DNAJC25: variants seen among roughly 807,000 people sequenced by gnomAD.
The protein encoded by DNAJC25 is DnaJ heat shock protein family (Hsp40) member C25.
Under a neutral mutation model 42.1 loss-of-function variants are expected in DNAJC25, and 26 were observed. The ratio of observed to expected loss-of-function variants is 0.62; its 90% CI spans 0.45 to 0.86. The LOEUF (loss-of-function observed/expected upper bound fraction) is 0.86. Among genes scored for constraint, DNAJC25 ranks in the 40% least tolerant of loss-of-function variants. The pLI is 0.00. For missense variants in DNAJC25, 404 were observed against 459.4 expected (o/e 0.88, Z 1.10); for synonymous variants, 189 against 179.9 (o/e 1.05, Z -0.40).
chr9:111,640,933 G>C (rs1296895889), intron 1 of DNAJC25, among the ~76,000 whole-genome samples: 3 of 89,942 alleles, frequency 3.3e-5, no homozygotes, highest in African/African-American at 7.3e-5. Context: ...GGCCAGCCGT[G>C]CCGTCCGGGA....
chr9:111,639,653 GTT>G (rs1225215141), intron 1 of DNAJC25, among the ~76,000 whole-genome samples: 3 of 136,762 alleles, frequency 2.2e-5, no homozygotes, highest in Non-Finnish European at 3.2e-5. Flanking sequence ...ACTAGAGGTT[GTT>G]TTTTTTTTTT....
intron 1 of DNAJC25, among the ~76,000 whole-genome samples, chr9:111,645,669 G>A (rs1830558612): frequency 6.6e-6 from 1 of 152,220 alleles, no homozygotes; most frequent in Admixed American, 6.5e-5. Context: ...CTCAGAAGGT[G>A]ATCCTAAACA....
chr9:111,641,661 TCCGGGAGGGAGGTGGGGGGGGG>T (rs1208173695), intron 1 of DNAJC25, among the ~76,000 whole-genome samples: 351 of 112,910 alleles, frequency 3.1e-3, no homozygotes, highest in East Asian at 4.4e-3. Context: ...AGCCGCCCCG[TCCGGGAGGGAGGTGGGGGGGGG>T]GTCAGCCCCC....
At chr9:111,645,456 T>C (rs1830555165) in intron 1 of DNAJC25, among the ~76,000 whole-genome samples, 1 of 152,160 alleles carries the variant, frequency 6.6e-6, no homozygotes, top group Non-Finnish European at 1.5e-5. Context: ...GATTTTGCCA[T>C]GTTGGCCAGG....
At chr9:111,641,137 G>C (rs1234292349) in intron 1 of DNAJC25, among the ~76,000 whole-genome samples, 1 of 106,178 alleles carries the variant, frequency 9.4e-6, no homozygotes, top group African/African-American at 4.4e-5. Flanking sequence ...GGGGGGGTCA[G>C]CCCCCCCACC....
At chr9:111,649,235 A>C (rs1830611441) in intron 2 of DNAJC25, among the ~76,000 whole-genome samples, 1 of 152,210 alleles carries the variant, frequency 6.6e-6, no homozygotes, top group African/African-American at 2.4e-5. Context: ...TTTTTGGCTC[A>C]GCTCAGAGTT....
intron 1 of DNAJC25, among the ~76,000 whole-genome samples, chr9:111,638,904 C>T (rs145449704): frequency 5.8e-4 from 88 of 151,922 alleles, no homozygotes; most frequent in Non-Finnish European, 3.2e-4. Context: ...CTTATCCAAA[C>T]TTGCCTTCCT....
chr9:111,645,018 A>C lies in DNAJC25; in HGVS notation c.337-2089A>C, dbSNP rs116881522. Among the ~76,000 whole-genome samples the C allele has an allele frequency of 2.2e-3, 329 of 152,326 alleles. 13 individuals carry two copies. The East Asian group carries it at 0.054, about 25-fold the overall frequency. ...AGGCATATAGCAGCTGCCACAAGAA[A>C]ATCCTTTTTGACTGAAGAGAACATA... On this transcript the variant is annotated intron_variant, in intron 1 of 3. Coordinates refer to ENST00000313525, the MANE Select transcript of DNAJC25 (RefSeq NM_001015882.3).
intron 3 of DNAJC25, 114 bp from the exon 4 acceptor site, chr9:111,652,986 T>C: frequency 8.9e-7 from 1 of 1,125,146 alleles, no homozygotes; most frequent in Non-Finnish European, 1.2e-6. Context: ...TATCAATACA[T>C]TCACTGGAAA....
At chr9:111,638,899 C>A (rs937498413) in intron 1 of DNAJC25, among the ~76,000 whole-genome samples, 2 of 151,690 alleles carry the variant, frequency 1.3e-5, no homozygotes, top group African/African-American at 4.8e-5. Context: ...CAGTCCTTAT[C>A]CAAACTTGCC....
chr9:111,647,308 C>T (rs1328282594), intron 2 of DNAJC25, 49 bp downstream of exon 2: 1 of 1,603,436 alleles, frequency 6.2e-7, no homozygotes, highest in South Asian at 1.1e-5. Flanking sequence ...ATTGAGTGCA[C>T]ATTGCCTAGT....
intron 1 of DNAJC25, among the ~76,000 whole-genome samples, chr9:111,639,619 A>G (rs995226491): frequency 6.6e-6 from 1 of 151,672 alleles, no homozygotes; most frequent in Non-Finnish European, 1.5e-5. Flanking sequence ...TTTATAGGAT[A>G]TAATGGCCTG....
intron 3 of DNAJC25, among the ~76,000 whole-genome samples, chr9:111,652,121 A>G (rs1564088132): frequency 1.3e-5 from 2 of 152,184 alleles, no homozygotes; most frequent in Non-Finnish European, 2.9e-5. Flanking sequence ...ATTAGACATT[A>G]GTTGTAGAGA....
Position 111,639,583 on chromosome 9 carries a change from T to C in DNAJC25, c.337-7524T>C, listed in dbSNP as rs1830413083. On this transcript the variant is annotated intron_variant, in intron 1 of 3. Transcript: ENST00000313525. ...GGCAGGAAACAAGAAAAAAATGAAA[T>C]GGGTAGCAGTTAATTTTCTCCCTCT... is the stretch of plus-strand genomic sequence containing the variant. 2.7e-5 allele frequency among the ~76,000 whole-genome samples: 4 copies of C among 150,788 alleles called. No individual in the cohort carries two copies. In the South Asian group the frequency reaches 6.3e-4, roughly 24 times the overall value.
intron 3 of DNAJC25, among the ~76,000 whole-genome samples, chr9:111,651,649 G>A (rs1429183813): frequency 2.0e-5 from 3 of 152,080 alleles, no homozygotes; most frequent in Admixed American, 6.6e-5. Flanking sequence ...CACTTTGGGA[G>A]GCCCAGGCAG....
Position 111,653,331 on chromosome 9 carries a change from C to G in DNAJC25, c.*109C>G. On this transcript the variant is annotated 3_prime_UTR_variant, in exon 4 of 4. Coordinates refer to ENST00000313525, the MANE Select transcript of DNAJC25 (RefSeq NM_001015882.3). ...TGCTGCTCAGCAGTAACTAAAATTCCTCAAGTATTTGATTAAACAGAATAA... is the reference window on the plus strand; with the variant it reads ...TGCTGCTCAGCAGTAACTAAAATTCGTCAAGTATTTGATTAAACAGAATAA... The G allele has an allele frequency of 7.9e-7, 1 of 1,261,006 alleles. No homozygotes were observed. Among genetic ancestry groups the G allele is most frequent in the Admixed American group, 3.0e-5 (1 of 32,998 alleles). The allele number at this position is 1,261,006 out of a possible 1,614,324, so 78.1% of individuals were successfully genotyped here. A position where few individuals can be genotyped will look rare whatever the true frequency, so the allele number is the denominator to read the frequency against.
chr9:111,653,199 C>T lies in DNAJC25; in HGVS notation c.1060C>T (p.Arg354Trp), dbSNP rs759474697. ...ATGGATGAAGAATGAAGGGCCTGGGCGGTTAACATTTGTGGATGACTGAAG... is the reference window on the plus strand; with the variant it reads ...ATGGATGAAGAATGAAGGGCCTGGGTGGTTAACATTTGTGGATGACTGAAG... ...RRWMKNEGPG[R>W]LTFVDD Residue 354 changes from arginine (R) to tryptophan (W), a missense_variant, in exon 4 of 4, where the codon CGG (arginine) becomes TGG (tryptophan). Physicochemically the swap from Arg to Trp is moderately radical, Grantham distance 101. Transcript: ENST00000313525. 2.1e-5 allele frequency: 33 copies of T among 1,586,952 alleles called. No individual in the cohort carries two copies. Among genetic ancestry groups the T allele is most frequent in the African/African-American group, 8.1e-5 (6 of 73,974 alleles).
chr9:111,642,645 A>ATAAAT (rs1464372017), intron 1 of DNAJC25, among the ~76,000 whole-genome samples: 1 of 123,618 alleles, frequency 8.1e-6, no homozygotes. Context: ...AAATAAATAA[A>ATAAAT]AAATAAATGT....
intron 1 of DNAJC25, among the ~76,000 whole-genome samples, chr9:111,642,458 G>T (rs1017686416): frequency 1.4e-5 from 2 of 141,680 alleles, no homozygotes; most frequent in African/African-American, 5.3e-5. Flanking sequence ...AAGTAACCAG[G>T]GACACAAACA....
Sources: allele counts gnomAD v4.1 joint callset (sites outside exome capture counted in the v4.1 genomes callset), GRCh38; gene constraint gnomAD v4.1.1; transcripts MANE v1.5; gene names NCBI Gene and HGNC (gene_info 2026-07-23, HGNC 2026-07-21).